Variants in EIF2AK3 observed in about 807,000 individuals in gnomAD.
The protein encoded by EIF2AK3 is eukaryotic translation initiation factor 2 alpha kinase 3.
Under a neutral mutation model 113.5 loss-of-function variants are expected in EIF2AK3, and 50 were observed. The observed-to-expected ratio is 0.44, with a 90% CI of 0.35 to 0.56. EIF2AK3 has a LOEUF of 0.56. Ranked by LOEUF, EIF2AK3 falls within the 20% of genes least tolerant of loss-of-function variation. The pLI is 0.00. For missense variants in EIF2AK3, 1,185 were observed against 1,378.0 expected (o/e 0.86, Z 2.22); for synonymous variants, 448 against 495.4 (o/e 0.90, Z 1.27).
chr2:88,624,741 C>T (rs1350725195), intron 1 of EIF2AK3: 1 of 152,312 alleles, frequency 6.6e-6, no homozygotes, highest in African/African-American at 2.4e-5. Context: ...CACCAAACCC[C>T]TTACCTTTTC....
chr2:88,568,854 G>A (rs1296193236), intron 14 of EIF2AK3, among the ~76,000 whole-genome samples: 1 of 152,062 alleles, frequency 6.6e-6, no homozygotes, highest in Non-Finnish European at 1.5e-5. Flanking sequence ...AAGAATAATT[G>A]GTAGACAAAC....
intron 14 of EIF2AK3, among the ~76,000 whole-genome samples, chr2:88,564,783 G>GA (rs1458279346): frequency 3.3e-5 from 5 of 152,000 alleles, no homozygotes; most frequent in Admixed American, 1.3e-4. Context: ...CACAGGGAAA[G>GA]AAAAAAGAAC....
chr2:88,583,175 C>A (rs1674639156), intron 10 of EIF2AK3, among the ~76,000 whole-genome samples: 1 of 152,020 alleles, frequency 6.6e-6, no homozygotes, highest in Non-Finnish European at 1.5e-5. Flanking sequence ...ACATAGTAGA[C>A]CCTAAATAAC....
At chr2:88,571,492 A>T (rs914629646) in intron 13 of EIF2AK3, among the ~76,000 whole-genome samples, 4 of 152,242 alleles carry the variant, frequency 2.6e-5, no homozygotes, top group Non-Finnish European at 5.9e-5. Context: ...CAACCCCATT[A>T]GATGAGTACT....
At chr2:88,622,497 A>G (rs1243725676) in intron 1 of EIF2AK3, among the ~76,000 whole-genome samples, 1 of 152,248 alleles carries the variant, frequency 6.6e-6, no homozygotes, top group Admixed American at 6.5e-5. Context: ...GGGACCTGAG[A>G]TCAGATAAAA....
chr2:88,578,998 A>G (rs1249894278), intron 11 of EIF2AK3, among the ~76,000 whole-genome samples: 1 of 152,188 alleles, frequency 6.6e-6, no homozygotes, highest in Non-Finnish European at 1.5e-5. Flanking sequence ...ATATTTTAGG[A>G]TTCTAATAAC....
intron 10 of EIF2AK3, among the ~76,000 whole-genome samples, 168 bp downstream of exon 10, chr2:88,583,262 G>A (rs1015048074): frequency 6.6e-6 from 1 of 151,332 alleles, no homozygotes; most frequent in African/African-American, 2.4e-5. Flanking sequence ...ATCTTTCTTA[G>A]GGTATATACC....
chr2:88,560,071 C>T (rs768141197), intron 15 of EIF2AK3, among the ~76,000 whole-genome samples: 15 of 152,124 alleles, frequency 9.9e-5, no homozygotes, highest in Non-Finnish European at 2.1e-4. Flanking sequence ...CCACCAGCAA[C>T]GTATGAGGGT....
chr2:88,621,034 A>C (rs1173570751), intron 1 of EIF2AK3, among the ~76,000 whole-genome samples: 1 of 152,220 alleles, frequency 6.6e-6, no homozygotes, highest in African/African-American at 2.4e-5. Flanking sequence ...ACCAAATACA[A>C]AATTTTGAAC....
At chr2:88,558,501 C>T (rs1673847259) in intron 16 of EIF2AK3, among the ~76,000 whole-genome samples, 1 of 152,128 alleles carries the variant, frequency 6.6e-6, no homozygotes, top group African/African-American at 2.4e-5. Context: ...TACATGATGA[C>T]AATTTTTAGT....
At chr2:88,607,873 G>T (rs927567880) in intron 2 of EIF2AK3, among the ~76,000 whole-genome samples, 8 of 152,184 alleles carry the variant, frequency 5.3e-5, no homozygotes, top group Admixed American at 2.6e-4. Flanking sequence ...GACTGTACCT[G>T]ATGCATGAAG....
At chr2:88,576,849 AAAAG>A (rs2104414757) in intron 11 of EIF2AK3, 146 bp from the exon 12 acceptor site, 1 of 886,424 alleles carries the variant, frequency 1.1e-6, no homozygotes, top group Non-Finnish European at 1.7e-6. Context: ...ATTAGCCTGA[AAAAG>A]AGAGAAAGTA....
At chr2:88,588,268 GCA>G (rs1474292460) in intron 7 of EIF2AK3, among the ~76,000 whole-genome samples, 164 bp from the exon 8 acceptor site, 4 of 152,110 alleles carry the variant, frequency 2.6e-5, no homozygotes, top group Admixed American at 6.5e-5. Flanking sequence ...CCTTTGAAAA[GCA>G]CAGTTTTACA....
At position 88,619,909 on chromosome 2, in the gene EIF2AK3, T is replaced by G. The variant is rs1675676431; in HGVS notation, c.309-6056A>C. Among the ~76,000 whole-genome samples, 6 of 149,298 alleles carry G rather than the reference T, an allele frequency of 4.0e-5. No homozygotes were observed. The Admixed American group carries it at 4.0e-4, about 10-fold the overall frequency. The stretch of plus-strand genomic sequence containing the variant: ...AGGCGGAGGTTGCAGTAAGCTAAGA[T>G]TGCACCACTGCACTCCAGCCTGCAC... On this transcript the variant is annotated intron_variant, in intron 1 of 16. Transcript: ENST00000303236.
intron 14 of EIF2AK3, among the ~76,000 whole-genome samples, chr2:88,566,610 C>T (rs577413022): frequency 6.6e-6 from 1 of 152,116 alleles, no homozygotes; most frequent in East Asian, 1.9e-4. Flanking sequence ...CTGCACTTAT[C>T]AACCCATCAT....
chr2:88,575,280 C>T lies in EIF2AK3; in HGVS notation c.2203G>A (p.Glu735Lys). The change falls in exon 13 of 17, where the codon GAG (glutamate) becomes AAG (lysine). Residue 735 changes from glutamate (E) to lysine (K), a missense_variant. Physicochemically the swap from Glu to Lys is moderately conservative, Grantham distance 56 (BLOSUM62 1). Around this residue, in one of 3 missense-constraint regions of EIF2AK3, gnomAD observed 877 missense variants for 1,024.2 expected, o/e 0.86. Coordinates refer to ENST00000303236, the MANE Select transcript of EIF2AK3 (RefSeq NM_004836.7). ...AATTCCAGTGGTGAGAACTGGCTCT[C>T]AGATGAACTTGTCTGGTCACAGGAA... is the stretch of plus-strand genomic sequence containing the variant. ...GISCDQTSSS[E>K]SQFSPLEFSG... 6.2e-7 allele frequency: 1 copy of T among 1,614,178 alleles called. No homozygotes were observed. Among genetic ancestry groups the T allele is most frequent in the Non-Finnish European group, 8.5e-7 (1 of 1,180,002 alleles).
In EIF2AK3 at chr2:88,574,769, G is replaced by C; in HGVS notation, c.2714C>G (p.Thr905Ser). The change falls in exon 13 of 17, where the codon ACC becomes AGC. Residue 905 changes from threonine (T) to serine (S), a missense_variant. This residue lies in a region of EIF2AK3 where 877 missense variants were observed against 1,024.2 expected (regional missense o/e 0.86). Transcript: ENST00000303236. Reference protein sequence around the residue: ...NLKDWMNGRCTIEERERSVCL... With the variant: ...NLKDWMNGRCSIEERERSVCL... ...CACGCTCCTCTCTCTCTCCTCTATG[G>C]TACATCGTCCATTCATCCAGTCTTT... The C allele has an allele frequency of 3.1e-6, 5 of 1,614,134 alleles. No individual in the cohort carries two copies. Among genetic ancestry groups the C allele is most frequent in the Non-Finnish European group, 4.2e-6 (5 of 1,180,030 alleles).
intron 14 of EIF2AK3, 53 bp from the exon 15 acceptor site, chr2:88,562,443 G>T: frequency 7.1e-7 from 1 of 1,406,264 alleles, no homozygotes; most frequent in South Asian, 1.2e-5. Context: ...CAGTACAGTT[G>T]ATATTACAGC....
intron 1 of EIF2AK3, among the ~76,000 whole-genome samples, chr2:88,615,555 C>G (rs1442261458): frequency 1.3e-5 from 2 of 152,130 alleles, no homozygotes; most frequent in African/African-American, 4.8e-5. Context: ...CAGTCTTCAC[C>G]AGATACTGAA....
Sources: gnomAD v4.1 joint callset for allele counts (sites outside exome capture counted in the v4.1 genomes callset) on GRCh38, gnomAD v4.1.1 for gene constraint, gnomAD v4.1.1 regional missense constraint, MANE v1.5 for transcripts, NCBI Gene and HGNC (gene_info 2026-07-23, HGNC 2026-07-21) for gene names.